Variants in REL observed in about 807,000 individuals in gnomAD.
The protein encoded by REL is proto-oncogene c-Rel.
A neutral mutation model predicts 45.9 loss-of-function variants in REL; 15 were observed. That is an observed-to-expected ratio of 0.33 (90% confidence interval 0.22 to 0.50). The LOEUF (loss-of-function observed/expected upper bound fraction) is 0.50, where lower values mean the gene tolerates loss of function less well. Ranked by LOEUF, REL falls within the 20% of genes least tolerant of loss-of-function variation. REL has a pLI of 0.98. For synonymous variants in REL, 239 were observed against 242.1 expected, an observed-to-expected ratio of 0.99 and a Z score of 0.12; for missense variants, 601 against 715.2, an observed-to-expected ratio of 0.84 and a Z score of 1.82.
At chr2:60,882,462 G>GA (rs1308742615) in intron 1 of REL, among the ~76,000 whole-genome samples, 1 of 152,156 alleles carries the variant, frequency 6.6e-6, no homozygotes, top group Non-Finnish European at 1.5e-5. Flanking sequence ...ATAACCAGAG[G>GA]TCAGGAGTTT....
intron 4 of REL, among the ~76,000 whole-genome samples, chr2:60,905,506 A>G (rs1673622703): frequency 6.6e-6 from 1 of 152,182 alleles, no homozygotes; most frequent in African/African-American, 2.4e-5. Flanking sequence ...ACTTCCACTA[A>G]TTTGATAGGG....
chr2:60,918,363 A>ATTTTTTTTTTTT, intron 6 of REL, 31 bp from the exon 7 acceptor site: 6 of 1,310,690 alleles, frequency 4.6e-6, no homozygotes, highest in Admixed American at 4.2e-5. Flanking sequence ...TTGTTTTCCC[A>ATTTTTTTTTTTT]TTTTTTTTTT....
At chr2:60,906,510 A>G (rs1461734635) in intron 4 of REL, among the ~76,000 whole-genome samples, 1 of 152,166 alleles carries the variant, frequency 6.6e-6, no homozygotes, top group African/African-American at 2.4e-5. Context: ...CTTCTCAAAT[A>G]TGGCCTTTAA....
rs149938178 is a variant in REL at position 60,922,480 on chromosome 2, G to A, written c.1709G>A (p.Ser570Asn). ...VQDSQYSGIG[S>N]MQNEQLSDSF... ...GATAGTCAGTATTCAGGTATTGGCAGTATGCAAAATGAGCAATTGAGTGAC... is the reference window on the plus strand; with the variant it reads ...GATAGTCAGTATTCAGGTATTGGCAATATGCAAAATGAGCAATTGAGTGAC... The change falls in exon 10 of 10, where the codon AGT becomes AAT. Residue 570 changes from serine to asparagine, a missense_variant. Ser to Asn is a conservative substitution (Grantham distance 46). Transcript: ENST00000394479. 5.8e-5 allele frequency: 94 copies of A among 1,612,322 alleles called. No individual in the cohort carries two copies. The African/African-American group carries it at 1.2e-3, about 20-fold the overall frequency.
rs1276854623 is a variant in REL, at chr2:60,924,151, T to TA, written c.*1617dup. On this transcript the variant is annotated 3_prime_UTR_variant, in exon 10 of 10. Coordinates refer to ENST00000394479, the MANE Select transcript of REL (RefSeq NM_001291746.2). Reference sequence around the variant, plus strand: ...CATCCTTCAGGTGTCACTCCACTGTTACCTGAGCAGGTCGTCCTTGAATAT... The same window carrying TA: ...CATCCTTCAGGTGTCACTCCACTGTTAACCTGAGCAGGTCGTCCTTGAATAT... The TA allele has an allele frequency of 5.6e-5, 13 of 230,994 alleles. No individual in the cohort carries two copies. The highest frequency in any genetic ancestry group is 2.9e-4 in the African/African-American group (13 of 45,236). The allele number at this position is 230,994 out of a possible 1,614,324, so 14.3% of individuals were successfully genotyped here.
chr2:60,898,714 A>C (rs1673420844), intron 3 of REL, among the ~76,000 whole-genome samples: 1 of 152,222 alleles, frequency 6.6e-6, no homozygotes, highest in Admixed American at 6.5e-5. Flanking sequence ...GCAGCCATAG[A>C]TAATATGTAA....
chr2:60,913,519 C>T (rs1673876706), intron 4 of REL, among the ~76,000 whole-genome samples: 1 of 152,110 alleles, frequency 6.6e-6, no homozygotes, highest in African/African-American at 2.4e-5. Flanking sequence ...ACCCTTACTC[C>T]TAGGGTATAG....
intron 2 of REL, among the ~76,000 whole-genome samples, chr2:60,892,691 A>G (rs1256476781): frequency 2.0e-5 from 3 of 151,796 alleles, no homozygotes; most frequent in South Asian, 2.1e-4. Context: ...CGGCCTCCCA[A>G]AGCGCTGGGA....
At position 60,922,753 on chromosome 2, in the gene REL, C is replaced by T. The variant is rs181389213; in HGVS notation, c.*218C>T. 8.7e-7 allele frequency: 1 copy of T among 1,147,562 alleles called. No individual in the cohort carries two copies. The highest frequency in any genetic ancestry group is 1.6e-5 in the African/African-American group (1 of 61,970). 71.1% of individuals were successfully genotyped at this position (1,147,562 alleles called of 1,614,324 possible). A position where few individuals can be genotyped will look rare whatever the true frequency, so the allele number is the denominator to read the frequency against. On this transcript the variant is annotated 3_prime_UTR_variant, in exon 10 of 10. Coordinates refer to ENST00000394479, the MANE Select transcript of REL (RefSeq NM_001291746.2). Reference sequence around the variant, plus strand: ...AAAATTGGAAGCTGTCATAAAAAGACAACTCAGAGGCCAGGCGCAGGGGCT... The same window carrying T: ...AAAATTGGAAGCTGTCATAAAAAGATAACTCAGAGGCCAGGCGCAGGGGCT...
Position 60,925,646 on chromosome 2 carries a change from A to C in REL, c.*3111A>C, listed in dbSNP as rs1006363421. On this transcript the variant is annotated 3_prime_UTR_variant, in exon 10 of 10. Transcript: ENST00000394479. ...GAAGGCACAATTTCTTTTCTGTTCA[A>C]AATGTGAACCCAGGATGTCTCTAGA... 6 of 190,684 alleles carry C rather than the reference A, an allele frequency of 3.1e-5. No individual in the cohort carries two copies. Among genetic ancestry groups the C allele is most frequent in the African/African-American group, 1.4e-4 (6 of 43,034 alleles). 11.8% of individuals were successfully genotyped at this position (190,684 alleles called of 1,614,324 possible).
At chr2:60,893,010 C>G (rs1468067614) in intron 2 of REL, among the ~76,000 whole-genome samples, 1 of 152,182 alleles carries the variant, frequency 6.6e-6, no homozygotes, top group African/African-American at 2.4e-5. Context: ...GCCTTGGTCT[C>G]CCAAAGTGCT....
rs191002275 is a variant in REL at position 60,923,189 on chromosome 2, G to A, written c.*654G>A. On this transcript the variant is annotated 3_prime_UTR_variant, in exon 10 of 10. Coordinates refer to ENST00000394479, the MANE Select transcript of REL (RefSeq NM_001291746.2). ...TAATTTTTTATTTTTGAGGCCCATGGGCCAAGGTAACCCCTAAGGGGTTTT... is the reference window on the plus strand; with the variant it reads ...TAATTTTTTATTTTTGAGGCCCATGAGCCAAGGTAACCCCTAAGGGGTTTT... 515 of 208,858 alleles carry A rather than the reference G, an allele frequency of 2.5e-3. No individual in the cohort carries two copies. The highest frequency in any genetic ancestry group is 3.6e-3 in the Non-Finnish European group (373 of 102,628). The allele number at this position is 208,858 out of a possible 1,614,324, so 12.9% of individuals were successfully genotyped here.
At chr2:60,918,683 T>C in intron 7 of REL, 77 bp downstream of exon 7, 1 of 986,816 alleles carries the variant, frequency 1.0e-6, no homozygotes, top group South Asian at 1.3e-5. Context: ...TAATATTCAT[T>C]TGAGTACAGT....
At chr2:60,916,818 T>C in intron 4 of REL, 59 bp from the exon 5 acceptor site, 3 of 1,259,544 alleles carry the variant, frequency 2.4e-6, no homozygotes, top group Non-Finnish European at 3.4e-6. Flanking sequence ...GAGGAGGACC[T>C]AGCAAGTCTT....
intron 4 of REL, among the ~76,000 whole-genome samples, chr2:60,908,250 A>G (rs543500192): frequency 1.4e-4 from 21 of 152,138 alleles, no homozygotes; most frequent in Non-Finnish European, 2.4e-4. Context: ...CACCTAAACA[A>G]TGTATTTGTT....
chr2:60,920,229 T>C, intron 8 of REL, 120 bp downstream of exon 8: 1 of 790,060 alleles, frequency 1.3e-6, no homozygotes, highest in Non-Finnish European at 2.0e-6. Flanking sequence ...TGAGATAGCA[T>C]CTCTCTCTGT....
chr2:60,914,586 A>G (rs1673909667), intron 4 of REL, among the ~76,000 whole-genome samples: 1 of 152,334 alleles, frequency 6.6e-6, no homozygotes, highest in East Asian at 1.9e-4. Flanking sequence ...GTCCTGCTAC[A>G]TAACCACAAT....
rs1573351602 is a variant in REL at position 60,924,989 on chromosome 2, A to G, written c.*2454A>G. On this transcript the variant is annotated 3_prime_UTR_variant, in exon 10 of 10. Coordinates refer to ENST00000394479, the MANE Select transcript of REL (RefSeq NM_001291746.2). Reference sequence around the variant, plus strand: ...TCACTTTGCTTCAAAACGTAGTTATATTTTGGAGTTTTCATTTGATATATA... The same window carrying G: ...TCACTTTGCTTCAAAACGTAGTTATGTTTTGGAGTTTTCATTTGATATATA... 4.9e-6 allele frequency: 1 copy of G among 206,106 alleles called. No individual in the cohort carries two copies. 12.8% of individuals were successfully genotyped at this position (206,106 alleles called of 1,614,324 possible). A position where few individuals can be genotyped will look rare whatever the true frequency, so the allele number is the denominator to read the frequency against.
intron 2 of REL, among the ~76,000 whole-genome samples, chr2:60,893,550 A>G (rs892839654): frequency 6.6e-6 from 1 of 152,216 alleles, no homozygotes; most frequent in East Asian, 1.9e-4. Context: ...GGTCCTAAAC[A>G]CTTTACAGCT....
Sources: allele counts gnomAD v4.1 joint callset (sites outside exome capture counted in the v4.1 genomes callset), GRCh38; gene constraint gnomAD v4.1.1; transcripts MANE v1.5; gene names NCBI Gene and HGNC (gene_info 2026-07-23, HGNC 2026-07-21).